Variants in COL4A6 observed in about 807,000 individuals in gnomAD.
The protein encoded by COL4A6 is collagen type IV alpha 6 chain, also known as collagen alpha-6(IV) chain.
A neutral mutation model predicts 126.7 loss-of-function variants in COL4A6; 59 were observed. That is an observed-to-expected ratio of 0.47 (90% CI 0.38 to 0.58). The LOEUF is 0.58. Among genes scored for constraint, COL4A6 ranks in the 20% least tolerant of loss-of-function variants. COL4A6 has a pLI of 0.00. For synonymous variants in COL4A6, 547 were observed against 496.6 expected (o/e 1.10, Z -1.35); for missense variants, 1,285 against 1,337.3 (o/e 0.96, Z 0.61).
intron 35 of COL4A6, 44 bp downstream of exon 35, chrX:108,170,565 G>A (rs771701275): frequency 8.5e-6 from 9 of 1,055,582 alleles, no homozygotes; most frequent in South Asian, 7.6e-5. Flanking sequence ...GTCCTTCATC[G>A]AGGGAAAGAC....
At chrX:108,351,197 C>G (rs954453007) in intron 2 of COL4A6, among the ~76,000 whole-genome samples, 2 of 111,057 alleles carry the variant, frequency 1.8e-5, no homozygotes, top group Non-Finnish European at 3.8e-5. Context: ...CTTTTCATTA[C>G]TAAGGTGAAA....
intron 2 of COL4A6, among the ~76,000 whole-genome samples, chrX:108,391,660 T>C (rs373533020): frequency 2.0e-4 from 22 of 112,184 alleles, no homozygotes; most frequent in African/African-American, 5.5e-4. Flanking sequence ...GGGAATCTCC[T>C]GGTCTGCTGG....
intron 2 of COL4A6, among the ~76,000 whole-genome samples, chrX:108,329,473 C>T (rs868096548): frequency 9.0e-6 from 1 of 111,671 alleles, no homozygotes; most frequent in Non-Finnish European, 1.9e-5. Context: ...ATTTATGAAA[C>T]AATGGGGAAA....
chrX:108,188,559 T>C lies in COL4A6; in HGVS notation c.1545A>G (p.Gly515=), dbSNP rs753280423. Residue 515 remains glycine, a synonymous_variant, in exon 21 of 45, where the codon GGA becomes GGG. Transcript: ENST00000334504. The part of the protein sequence containing the change: ...IGLPGLKGAR[G]DRGSGGAQGP... ...CCTGTGCACCCCCAGAGCCTCGATC[T>C]CCTCTGGCTCCTTTAAGGCCTGGAA... The C allele has an allele frequency of 8.5e-7, 1 of 1,174,968 alleles. No homozygotes were observed. Among genetic ancestry groups the C allele is most frequent in the South Asian group, 2.0e-5 (1 of 50,121 alleles).
intron 2 of COL4A6, among the ~76,000 whole-genome samples, chrX:108,360,490 G>T (rs113172215): frequency 4.5e-4 from 49 of 109,534 alleles, no homozygotes; most frequent in African/African-American, 1.5e-3. Context: ...GATGTTTTGC[G>T]ATTAGTATAG....
chrX:108,435,740 C>T (rs1323730101), intron 2 of COL4A6, among the ~76,000 whole-genome samples: 1 of 111,622 alleles, frequency 9.0e-6, no homozygotes, highest in Non-Finnish European at 1.9e-5. Flanking sequence ...AGAAAGAGCC[C>T]AAAAGCCCCT....
Position 108,176,841 on chromosome X carries a change from C to T in COL4A6, c.2686G>A (p.Gly896Arg), listed in dbSNP as rs779474114. The T allele has an allele frequency of 1.7e-6, 2 of 1,204,615 alleles. No individual in the cohort carries two copies. The highest frequency in any genetic ancestry group is 2.2e-6 in the Non-Finnish European group (2 of 893,124). The change falls in exon 28 of 45, where the codon GGA becomes AGA. Residue 896 changes from glycine (G) to arginine (R), a missense_variant and splice_region_variant. Transcript: ENST00000334504. ...AGLPALSGPK[G>R]EKGSVGFVGF... ...TCACTTCACTGATCACTTCACTTAC[C>T]CTTGGGTCCAGAGAGGGCTGGCAAC...
At chrX:108,193,738 C>G in intron 16 of COL4A6, 41 bp from the exon 17 acceptor site, 2 of 1,068,080 alleles carry the variant, frequency 1.9e-6, no homozygotes, top group Non-Finnish European at 2.6e-6. Flanking sequence ...ATTTCCATTT[C>G]CTTATTACCC....
Position 108,421,018 on chromosome X carries a change from G to A in COL4A6, c.63+16924C>T, listed in dbSNP as rs1029970413. Among the ~76,000 whole-genome samples the A allele has an allele frequency of 6.3e-5, 7 of 111,972 alleles. No homozygotes were observed. In the South Asian group the frequency reaches 2.6e-3, roughly 42 times the overall value. Reference sequence around the variant, plus strand: ...AATTTATATCTCTATATAATTTAACGCTAACTAGTCTTTACCTAAATGATT... The same window carrying A: ...AATTTATATCTCTATATAATTTAACACTAACTAGTCTTTACCTAAATGATT... On this transcript the variant is annotated intron_variant, in intron 2 of 44. Coordinates refer to ENST00000334504, the MANE Select transcript of COL4A6 (RefSeq NM_033641.4).
At chrX:108,180,853 C>T (rs771661136) in intron 24 of COL4A6, 44 bp downstream of exon 24, 28 of 1,139,340 alleles carry the variant, frequency 2.5e-5, no homozygotes, top group Non-Finnish European at 2.9e-5. Context: ...GCCTTATGGC[C>T]CTTACAAGAG....
At chrX:108,375,323 A>G (rs1376468116) in intron 2 of COL4A6, among the ~76,000 whole-genome samples, 1 of 111,999 alleles carries the variant, frequency 8.9e-6, no homozygotes, top group African/African-American at 3.2e-5. Flanking sequence ...TACCTCATGC[A>G]AATTGCTGGT....
chrX:108,381,796 A>G (rs907934731), intron 2 of COL4A6, among the ~76,000 whole-genome samples: 2 of 111,909 alleles, frequency 1.8e-5, no homozygotes, highest in Admixed American at 9.5e-5. Context: ...TGCCAATAGC[A>G]TTAGTATACA....
chrX:108,211,617 A>G (rs2035705609), intron 7 of COL4A6, 55 bp downstream of exon 7: 2 of 1,108,934 alleles, frequency 1.8e-6, no homozygotes, highest in African/African-American at 1.8e-5. Flanking sequence ...GTGGGGCCCA[A>G]TGCTGGGGAA....
intron 7 of COL4A6, among the ~76,000 whole-genome samples, chrX:108,210,671 A>C (rs2035677269): frequency 8.9e-6 from 1 of 112,110 alleles, no homozygotes; most frequent in African/African-American, 3.2e-5. Flanking sequence ...TGTAGCATGG[A>C]AAGAGCACTG....
chrX:108,215,238 C>T (rs949633709), intron 5 of COL4A6, among the ~76,000 whole-genome samples: 13 of 111,923 alleles, frequency 1.2e-4, no homozygotes, highest in Non-Finnish European at 2.4e-4. Flanking sequence ...GTTTCATTTT[C>T]GTTGTTATTA....
chrX:108,208,105 T>C, intron 8 of COL4A6, among the ~76,000 whole-genome samples: 1 of 111,877 alleles, frequency 8.9e-6, no homozygotes, highest in Non-Finnish European at 1.9e-5. Flanking sequence ...AATGATAAAA[T>C]AGGTCAATTT....
At chrX:108,354,763 G>A (rs1335143904) in intron 2 of COL4A6, among the ~76,000 whole-genome samples, 1 of 110,620 alleles carries the variant, frequency 9.0e-6, no homozygotes, top group Non-Finnish European at 1.9e-5. Flanking sequence ...AGAAAAACAT[G>A]TCATCTCTAT....
intron 3 of COL4A6, among the ~76,000 whole-genome samples, chrX:108,263,511 C>T (rs947492431): frequency 6.3e-5 from 7 of 111,866 alleles, no homozygotes; most frequent in African/African-American, 2.3e-4. Flanking sequence ...TTGTATTCTA[C>T]CCCCATACTT....
chrX:108,172,209 G>A (rs1651911860), intron 32 of COL4A6, among the ~76,000 whole-genome samples: 1 of 108,613 alleles, frequency 9.2e-6, no homozygotes, highest in African/African-American at 3.4e-5. Context: ...AATTAGCCGG[G>A]TGTGGTGGTT....
Sources: gnomAD v4.1 joint callset for allele counts (sites outside exome capture counted in the v4.1 genomes callset) on GRCh38, gnomAD v4.1.1 for gene constraint, MANE v1.5 for transcripts, NCBI Gene and HGNC (gene_info 2026-07-23, HGNC 2026-07-21) for gene names.